The following ACVR2A variants were observed in gnomAD, a reference collection of about 807,000 sequenced individuals.
The protein encoded by ACVR2A is activin receptor type-2A.
Under a neutral mutation model 61.4 loss-of-function variants are expected in ACVR2A, and 7 were observed. The observed-to-expected ratio is 0.11, with a 90% confidence interval of 0.06 to 0.21. ACVR2A has a LOEUF of 0.21. Among genes scored for constraint, ACVR2A ranks in the 10% least tolerant of loss-of-function variants. ACVR2A has a pLI of 1.00. For missense variants in ACVR2A, 322 were observed against 621.7 expected (o/e 0.52, Z 5.13); for synonymous variants, 193 against 208.3 (o/e 0.93, Z 0.63).
chr2:147,909,385 A>G (rs1263333490), intron 4 of ACVR2A, among the ~76,000 whole-genome samples: 1 of 152,032 alleles, frequency 6.6e-6, no homozygotes, highest in Non-Finnish European at 1.5e-5. Flanking sequence ...TTGTTGGATG[A>G]ATGAATGAAT....
chr2:147,920,349 GGAT>G lies in ACVR2A; in HGVS notation c.1077+12_1077+14del. The G allele has an allele frequency of 2.5e-6, 4 of 1,590,122 alleles. No individual in the cohort carries two copies. In the Middle Eastern group the frequency reaches 5.0e-4, roughly 199 times the overall value. On this transcript the variant is annotated splice_donor_region_variant and intron_variant, in intron 8 of 10. Transcript: ENST00000241416. ...GCAGGCGATACCCATGGACAGGTAAGGATGATGATTATAAAATGTAAGAAAAAA... is the reference window on the plus strand; with the variant it reads ...GCAGGCGATACCCATGGACAGGTAAGGATGATTATAAAATGTAAGAAAAAA...
chr2:147,853,613 G>A (rs538928053), intron 1 of ACVR2A, among the ~76,000 whole-genome samples: 1 of 152,184 alleles, frequency 6.6e-6, no homozygotes, highest in South Asian at 2.1e-4. Context: ...GAAAATAAAT[G>A]TAAAGCAAGA....
At chr2:147,854,755 A>G (rs1685528255) in intron 1 of ACVR2A, among the ~76,000 whole-genome samples, 1 of 152,244 alleles carries the variant, frequency 6.6e-6, no homozygotes, top group African/African-American at 2.4e-5. Context: ...TTATAGTCAT[A>G]AAGTAAGTAG....
At chr2:147,845,342 GCCACCGCCCCCCC>G in intron 1 of ACVR2A, 135 bp downstream of exon 1, 1 of 314,608 alleles carries the variant, frequency 3.2e-6, no homozygotes. Context: ...CCCCTCGGCT[GCCACCGCCCCCCC>G]CCCCCGCCCC....
chr2:147,881,635 G>A (rs943372082), intron 1 of ACVR2A, among the ~76,000 whole-genome samples: 8 of 74,956 alleles, frequency 1.1e-4, no homozygotes, highest in South Asian at 1.1e-3. Context: ...GTGTGTGTGT[G>A]TGTGTGTATG....
chr2:147,899,774 C>T lies in ACVR2A; in HGVS notation c.404C>T (p.Pro135Leu), dbSNP rs1686828110. ...PTSNPVTPKP[P>L]YYNILLYSLV... The stretch of plus-strand genomic sequence containing the variant: ...TCAAATCCAGTTACACCTAAGCCAC[C>T]CTATTACAACATCCTGCTCTATTCC... The change falls in exon 4 of 11, where the codon CCC becomes CTC. Residue 135 changes from proline (P) to leucine (L), a missense_variant. Pro to Leu is a moderately conservative substitution (Grantham distance 98, BLOSUM62 -3). This residue lies in a region of ACVR2A where 142 missense variants were observed against 200.3 expected (regional missense o/e 0.71). Transcript: ENST00000241416. The T allele has an allele frequency of 6.2e-7, 1 of 1,613,618 alleles. No individual in the cohort carries two copies.
At chr2:147,856,166 T>G (rs560385333) in intron 1 of ACVR2A, among the ~76,000 whole-genome samples, 19 of 152,318 alleles carry the variant, frequency 1.2e-4, no homozygotes, top group African/African-American at 4.6e-4. Flanking sequence ...TGGAAAGATT[T>G]CAATCCTCTC....
chr2:147,920,167 C>G (rs1351891569), intron 7 of ACVR2A, 63 bp from the exon 8 acceptor site: 1 of 1,112,442 alleles, frequency 9.0e-7, no homozygotes, highest in African/African-American at 1.6e-5. Context: ...TTTCTGCTTT[C>G]AATAAAAAAT....
chr2:147,922,841 T>C (rs1053315482), intron 8 of ACVR2A, 132 bp from the exon 9 acceptor site: 2 of 807,474 alleles, frequency 2.5e-6, no homozygotes, highest in Non-Finnish European at 3.8e-6. Flanking sequence ...AGGATCTTTC[T>C]ATTTATACGC....
chr2:147,895,547 A>C (rs1199636632), intron 1 of ACVR2A, among the ~76,000 whole-genome samples: 2 of 152,168 alleles, frequency 1.3e-5, no homozygotes, highest in Admixed American at 6.5e-5. Flanking sequence ...AGAAGAGAAA[A>C]GTCTTGACAT....
At chr2:147,916,902 G>A (rs1381300667) in intron 5 of ACVR2A, among the ~76,000 whole-genome samples, 2 of 151,810 alleles carry the variant, frequency 1.3e-5, no homozygotes, top group African/African-American at 2.4e-5. Context: ...TCATTCTGCC[G>A]GAATTTCATC....
At chr2:147,851,242 G>A (rs1182162207) in intron 1 of ACVR2A, among the ~76,000 whole-genome samples, 2 of 151,998 alleles carry the variant, frequency 1.3e-5, no homozygotes, top group African/African-American at 4.8e-5. Context: ...GTCCTTCATC[G>A]TTTGGTTCCT....
Position 147,896,307 on chromosome 2 carries a change from T to C in ACVR2A, c.62T>C (p.Ile21Thr), listed in dbSNP as rs752622036. The change falls in exon 2 of 11, where the codon ATA becomes ACA. Residue 21 changes from isoleucine (I) to threonine (T), a missense_variant. Around this residue, in one of 3 missense-constraint regions of ACVR2A, gnomAD observed 142 missense variants for 200.3 expected, o/e 0.71. Transcript: ENST00000241416. The part of the protein sequence containing the change: ...VFLISCSSGA[I>T]LGRSETQECL... ...TGTTTTTATTATCTTATAGGTGCTA[T>C]ACTTGGTAGATCAGAAACTCAGGAG... 1 of 1,613,138 alleles carries C rather than the reference T, an allele frequency of 6.2e-7. No individual in the cohort carries two copies. Among genetic ancestry groups the C allele is most frequent in the African/African-American group, 1.3e-5 (1 of 74,904 alleles).
chr2:147,850,793 G>A (rs953419340), intron 1 of ACVR2A, among the ~76,000 whole-genome samples: 1 of 152,136 alleles, frequency 6.6e-6, no homozygotes, highest in Non-Finnish European at 1.5e-5. Context: ...TAGATTTCTT[G>A]TTAGTCACTT....
intron 1 of ACVR2A, among the ~76,000 whole-genome samples, chr2:147,890,325 A>G (rs1326260617): frequency 2.8e-5 from 4 of 145,050 alleles, no homozygotes; most frequent in Non-Finnish European, 4.5e-5. Context: ...GAGGAAGTCC[A>G]TGGCACCATT....
intron 4 of ACVR2A, among the ~76,000 whole-genome samples, chr2:147,914,762 C>T (rs908693724): frequency 2.0e-5 from 3 of 151,934 alleles, no homozygotes; most frequent in African/African-American, 7.2e-5. Context: ...AGTAATAGAT[C>T]TTCAGGAGAG....
At chr2:147,846,993 TG>T (rs992332502) in intron 1 of ACVR2A, among the ~76,000 whole-genome samples, 2 of 152,088 alleles carry the variant, frequency 1.3e-5, no homozygotes, top group Non-Finnish European at 2.9e-5. Context: ...AAAAGCAGGC[TG>T]TCGCTACAGA....
intron 5 of ACVR2A, among the ~76,000 whole-genome samples, chr2:147,916,574 G>T (rs1422998376): frequency 6.6e-6 from 1 of 151,882 alleles, no homozygotes; most frequent in Non-Finnish European, 1.5e-5. Flanking sequence ...CTTGCCAGAG[G>T]TTAGTGGGAG....
At chr2:147,885,312 G>C (rs562942872) in intron 1 of ACVR2A, among the ~76,000 whole-genome samples, 1 of 152,248 alleles carries the variant, frequency 6.6e-6, no homozygotes, top group South Asian at 2.1e-4. Context: ...TTGAATAGAA[G>C]TATAGTATTT....
Sources: gnomAD v4.1 joint callset for allele counts (sites outside exome capture counted in the v4.1 genomes callset) on GRCh38, gnomAD v4.1.1 for gene constraint, gnomAD v4.1.1 regional missense constraint, MANE v1.5 for transcripts, NCBI Gene and HGNC (gene_info 2026-07-23, HGNC 2026-07-21) for gene names.